SUPT6H: variants seen among roughly 807,000 people sequenced by gnomAD.
SUPT6H encodes the protein transcription elongation factor SPT6.
Under a neutral mutation model 222.3 loss-of-function variants are expected in SUPT6H, and 11 were observed. The ratio of observed to expected loss-of-function variants is 0.05; its 90% CI spans 0.03 to 0.08. The LOEUF (loss-of-function observed/expected upper bound fraction) is 0.08, where lower values mean the gene tolerates loss of function less well. Among genes scored for constraint, SUPT6H ranks in the 10% least tolerant of loss-of-function variants. The pLI, the probability that SUPT6H is intolerant of heterozygous loss-of-function variation, is 1.00. For synonymous variants in SUPT6H, 762 were observed against 801.2 expected, an observed-to-expected ratio of 0.95 and a Z score of 0.83; for missense variants, 1,422 against 2,216.0, an observed-to-expected ratio of 0.64 and a Z score of 7.19.
chr17:28,667,506 T>C (rs1470137798), intron 1 of SUPT6H, among the ~76,000 whole-genome samples: 1 of 147,050 alleles, frequency 6.8e-6, no homozygotes, highest in Admixed American at 6.9e-5. Context: ...TATGTGTATA[T>C]ATATATAAAT....
intron 11 of SUPT6H, among the ~76,000 whole-genome samples, chr17:28,679,691 A>G (rs971450167): frequency 2.4e-4 from 36 of 151,598 alleles, no homozygotes; most frequent in Non-Finnish European, 2.8e-4. Context: ...ATCCTGTCTC[A>G]TAAGAAAAAG....
rs59286877 is a variant in SUPT6H at position 28,667,405 on chromosome 17, GTATATATA to G, written c.-32+5087_-32+5094del. On this transcript the variant is annotated intron_variant, in intron 1 of 36. Transcript: ENST00000314616. The stretch of plus-strand genomic sequence containing the variant: ...AAAAAAAAAAAAAAAGTGTGTGTGT[GTATATATA>G]TATATATATATATATATATATATGT... Among the ~76,000 whole-genome samples the G allele has an allele frequency of 1.3e-3, 66 of 49,304 alleles. 4 individuals carry two copies. The highest frequency in any genetic ancestry group is 0.011 in the South Asian group (9 of 806). 32.3% of individuals were successfully genotyped at this position (49,304 alleles called of 152,430 possible). A position where few individuals can be genotyped will look rare whatever the true frequency, so the allele number is the denominator to read the frequency against.
intron 7 of SUPT6H, among the ~76,000 whole-genome samples, chr17:28,677,504 C>T (rs1247975418): frequency 1.3e-5 from 2 of 151,668 alleles, no homozygotes; most frequent in Non-Finnish European, 2.9e-5. Flanking sequence ...TAGATCGCGC[C>T]GTTGTGTTCC....
intron 2 of SUPT6H, 151 bp from the exon 3 acceptor site, chr17:28,674,132 G>C: frequency 2.4e-6 from 2 of 840,806 alleles, no homozygotes; most frequent in South Asian, 1.8e-5. Context: ...TAAGTCAATG[G>C]CTATGTTTTG....
rs931364911 is a variant in SUPT6H, at chr17:28,688,548, G to A, written c.3134+330G>A. ...GTGGCCAGATAAGGGTGGGAATAGC[G>A]GGGGCAATGAAAAAGGAGTTTGGGG... On this transcript the variant is annotated intron_variant, in intron 24 of 36. Transcript: ENST00000314616. The surrounding 1 kb of genome is among the most constrained non-coding windows in gnomAD (Gnocchi z 4.3). 1.2e-5 allele frequency: 2 copies of A among 171,064 alleles called. No individual in the cohort carries two copies. The highest frequency in any genetic ancestry group is 6.2e-5 in the Admixed American group (1 of 16,092). The allele number at this position is 171,064 out of a possible 1,614,324, so 10.6% of individuals were successfully genotyped here. A position where few individuals can be genotyped will look rare whatever the true frequency, so the allele number is the denominator to read the frequency against.
In SUPT6H at chr17:28,689,181, C is replaced by T. The variant is rs1026775977; in HGVS notation, c.3135-173C>T. 8.2e-6 allele frequency: 5 copies of T among 606,498 alleles called. No homozygotes were observed. In the East Asian group the frequency reaches 8.4e-5, roughly 10 times the overall value. 37.6% of individuals were successfully genotyped at this position (606,498 alleles called of 1,614,324 possible). On this transcript the variant is annotated intron_variant, in intron 24 of 36. Transcript: ENST00000314616. ...TTTTCACGTATCAATATATTGTGGC[C>T]ATCTTTCCATGTCAGCACACATAGA... is the stretch of plus-strand genomic sequence containing the variant.
At chr17:28,677,323 C>G (rs967898228) in intron 7 of SUPT6H, among the ~76,000 whole-genome samples, 1 of 151,500 alleles carries the variant, frequency 6.6e-6, no homozygotes, top group Non-Finnish European at 1.5e-5. Flanking sequence ...GCGGAGGTTA[C>G]AGTGAGCTGA....
In SUPT6H at chr17:28,684,511, T is replaced by G; in HGVS notation, c.2230-75T>G. On this transcript the variant is annotated intron_variant, in intron 17 of 36. Coordinates refer to ENST00000314616, the MANE Select transcript of SUPT6H (RefSeq NM_003170.5). ...TCGCACATGTGTGTATGAGTGTGTTTCCATAGCACTCTTGGTGAGCCTGAT... is the reference window on the plus strand; with the variant it reads ...TCGCACATGTGTGTATGAGTGTGTTGCCATAGCACTCTTGGTGAGCCTGAT... 6 of 1,577,170 alleles carry G rather than the reference T, an allele frequency of 3.8e-6. No individual in the cohort carries two copies. In the South Asian group the frequency reaches 6.7e-5, roughly 18 times the overall value.
At chr17:28,699,453 C>T (rs1044183066) in intron 32 of SUPT6H, among the ~76,000 whole-genome samples, 1 of 152,190 alleles carries the variant, frequency 6.6e-6, no homozygotes, top group Non-Finnish European at 1.5e-5. Flanking sequence ...CTGGGAGGCC[C>T]CTTCCAACCC....
chr17:28,681,506 G>A (rs943832574), intron 12 of SUPT6H, 102 bp downstream of exon 12: 40 of 1,394,572 alleles, frequency 2.9e-5, no homozygotes, highest in Non-Finnish European at 3.8e-5. Flanking sequence ...TGGATCACCT[G>A]AGGTCAGGAG....
chr17:28,678,526 A>G lies in SUPT6H; in HGVS notation c.1117-19A>G, dbSNP rs754766643. ...AAATCTGTCTTCTCTGAGTGACTGCAGTCTCTTTGCCATCCTAGGTGCCTT... is the reference window on the plus strand; with the variant it reads ...AAATCTGTCTTCTCTGAGTGACTGCGGTCTCTTTGCCATCCTAGGTGCCTT... On this transcript the variant is annotated intron_variant, in intron 9 of 36. Coordinates refer to ENST00000314616, the MANE Select transcript of SUPT6H (RefSeq NM_003170.5). 6.2e-7 allele frequency: 1 copy of G among 1,611,556 alleles called. No individual in the cohort carries two copies. The highest frequency in any genetic ancestry group is 1.1e-5 in the South Asian group (1 of 90,990).
chr17:28,701,824 G>A lies in SUPT6H; in HGVS notation c.*199G>A, dbSNP rs948580020. On this transcript the variant is annotated 3_prime_UTR_variant, in exon 37 of 37. Coordinates refer to ENST00000314616, the MANE Select transcript of SUPT6H (RefSeq NM_003170.5). The stretch of plus-strand genomic sequence containing the variant: ...GTGTATGCTAGGCAACAATTCTCCC[G>A]CTCCAGACCCTCACCGACCACCTGT... 1.5e-5 allele frequency: 9 copies of A among 584,728 alleles called. No homozygotes were observed. Among genetic ancestry groups the A allele is most frequent in the East Asian group, 5.7e-5 (2 of 35,364 alleles). 36.2% of individuals were successfully genotyped at this position (584,728 alleles called of 1,614,324 possible). A position where few individuals can be genotyped will look rare whatever the true frequency, so the allele number is the denominator to read the frequency against.
chr17:28,684,808 G>T lies in SUPT6H; in HGVS notation c.2370-36G>T, dbSNP rs772421194. ...CTCTCATTCATAACTTCATATTGCT[G>T]ATTATTGCATTCTTGTTTTTCTGTC... is the stretch of plus-strand genomic sequence containing the variant. On this transcript the variant is annotated intron_variant, in intron 18 of 36. Transcript: ENST00000314616. 1.9e-6 allele frequency: 3 copies of T among 1,613,652 alleles called. No homozygotes were observed. The East Asian group carries it at 6.7e-5, about 36-fold the overall frequency.
chr17:28,680,604 A>G (rs1340007976), intron 11 of SUPT6H, among the ~76,000 whole-genome samples: 1 of 152,190 alleles, frequency 6.6e-6, no homozygotes, highest in African/African-American at 2.4e-5. Flanking sequence ...TCAAAAAAAT[A>G]AATAAATACG....
intron 1 of SUPT6H, among the ~76,000 whole-genome samples, chr17:28,664,934 A>G (rs1325004739): frequency 1.3e-5 from 2 of 152,014 alleles, no homozygotes; most frequent in African/African-American, 2.4e-5. Flanking sequence ...TCTGTCTTCT[A>G]TTCTCCATCT....
In SUPT6H at chr17:28,681,867, A is replaced by T; in HGVS notation, c.1499-15A>T. 1 of 1,599,498 alleles carries T rather than the reference A, an allele frequency of 6.3e-7. No individual in the cohort carries two copies. The highest frequency in any genetic ancestry group is 8.5e-7 in the Non-Finnish European group (1 of 1,174,108). On this transcript the variant is annotated splice_polypyrimidine_tract_variant and intron_variant, in intron 12 of 36. Transcript: ENST00000314616. ...GGAAACTAGAACCCTAAATCTCCCC[A>T]TGTTTTCTTCCCAGGTGAAGGTGAC...
chr17:28,677,631 C>A, intron 7 of SUPT6H, 84 bp from the exon 8 acceptor site: 1 of 928,278 alleles, frequency 1.1e-6, no homozygotes, highest in Non-Finnish European at 1.7e-6. Context: ...TTGATGATCA[C>A]ACGTTTCTGT....
intron 29 of SUPT6H, among the ~76,000 whole-genome samples, chr17:28,696,625 CCGGTGT>C (rs2031930243): frequency 6.7e-6 from 1 of 150,062 alleles, no homozygotes. Context: ...GTGATGTGCA[CCGGTGT>C]ATTCCCAGCT....
At position 28,674,398 on chromosome 17, in the gene SUPT6H, T is replaced by C. The variant is rs568560250; in HGVS notation, c.225T>C (p.Ser75=). 6.2e-7 allele frequency: 1 copy of C among 1,613,750 alleles called. No homozygotes were observed. The highest frequency in any genetic ancestry group is 8.5e-7 in the Non-Finnish European group (1 of 1,179,784). The change falls in exon 3 of 37, where the codon TCT becomes TCC. Residue 75 remains serine, a synonymous_variant. Coordinates refer to ENST00000314616, the MANE Select transcript of SUPT6H (RefSeq NM_003170.5). ...DEGEEDEGSD[S]GDSEDDVGHK... ...GGGAGGAGGATGAGGGCAGTGACTCTGGTGATTCAGAAGATGATGTTGGCC... is the reference window on the plus strand; with the variant it reads ...GGGAGGAGGATGAGGGCAGTGACTCCGGTGATTCAGAAGATGATGTTGGCC...
Sources: allele counts gnomAD v4.1 joint callset (sites outside exome capture counted in the v4.1 genomes callset), GRCh38; gene constraint gnomAD v4.1.1; non-coding constraint Gnocchi (gnomAD v3.1); transcripts MANE v1.5; gene names NCBI Gene and HGNC (gene_info 2026-07-23, HGNC 2026-07-21).